The following ELAVL4 variants were observed in gnomAD, a reference collection of about 807,000 sequenced individuals.
The protein encoded by ELAVL4 is ELAV like RNA binding protein 4, also known as ELAV-like protein 4.
A neutral mutation model predicts 35.6 loss-of-function variants in ELAVL4; 1 was observed. That is an observed-to-expected ratio of 0.03 (90% CI 0.01 to 0.13). The LOEUF is 0.13. ELAVL4 is among the 10% of genes least tolerant of loss of function. The pLI is 1.00. For missense variants in ELAVL4, 267 were observed against 464.9 expected (o/e 0.57, Z 3.91); for synonymous variants, 156 against 171.0 (o/e 0.91, Z 0.69).
At chr1:50,164,823 G>A (rs1677455400) in intron 2 of ELAVL4, among the ~76,000 whole-genome samples, 1 of 152,142 alleles carries the variant, frequency 6.6e-6, no homozygotes, top group Non-Finnish European at 1.5e-5. Flanking sequence ...GGAGACTGAA[G>A]GTAGTTAAGA....
At chr1:50,181,675 GTTTGT>G (rs55633909) in intron 3 of ELAVL4, among the ~76,000 whole-genome samples, 10 of 151,110 alleles carry the variant, frequency 6.6e-5, no homozygotes, top group South Asian at 2.1e-4. Flanking sequence ...GTATGTGTGT[GTTTGT>G]TTTGTTTTGT....
intron 1 of ELAVL4, among the ~76,000 whole-genome samples, chr1:50,072,935 T>G (rs549419726): frequency 6.6e-6 from 1 of 152,206 alleles, no homozygotes; most frequent in Non-Finnish European, 1.5e-5. Flanking sequence ...TCTGCCAGAC[T>G]GTAAACTCTT....
rs61263899 is a variant in ELAVL4, at chr1:50,169,859, T to C, written c.251-7230T>C. 3.1e-3 allele frequency among the ~76,000 whole-genome samples: 474 copies of C among 152,334 alleles called. 1 individual carries two copies. Among genetic ancestry groups the C allele is most frequent in the African/African-American group, 0.011 (454 of 41,576 alleles). ...CTTTAAAAGAAAAATACCTGTTATA[T>C]GTATTATTTTTGCTGGGCTATATGT... On this transcript the variant is annotated intron_variant, in intron 2 of 6. Transcript: ENST00000371824.
intron 1 of ELAVL4, among the ~76,000 whole-genome samples, chr1:50,077,645 C>T (rs1375652180): frequency 1.3e-5 from 2 of 152,168 alleles, no homozygotes; most frequent in Non-Finnish European, 2.9e-5. Context: ...CAAGTTGATA[C>T]ATAAATTAAC....
intron 3 of ELAVL4, among the ~76,000 whole-genome samples, chr1:50,192,568 C>T (rs1682839139): frequency 6.6e-6 from 1 of 151,966 alleles, no homozygotes; most frequent in African/African-American, 2.4e-5. Context: ...CACACACTCT[C>T]ACCCCTACAG....
intron 3 of ELAVL4, among the ~76,000 whole-genome samples, chr1:50,186,376 G>T (rs1161758994): frequency 6.6e-6 from 1 of 152,206 alleles, no homozygotes; most frequent in Non-Finnish European, 1.5e-5. Context: ...AGAATGCTCA[G>T]ACTCATAGGG....
chr1:50,130,785 A>G (rs5000809), intron 1 of ELAVL4, among the ~76,000 whole-genome samples: 56,896 of 151,916 alleles, frequency 0.37, 11,269 homozygotes, highest in East Asian at 0.77. Context: ...TAATGTTAGG[A>G]AACTTAGCTT....
chr1:50,053,103 T>C (rs932853713), intron 1 of ELAVL4, among the ~76,000 whole-genome samples: 2 of 152,226 alleles, frequency 1.3e-5, no homozygotes, highest in Non-Finnish European at 2.9e-5. Flanking sequence ...TGATCTTATG[T>C]TTCTTTTAAT....
chr1:50,121,838 T>C (rs949513983), intron 1 of ELAVL4, among the ~76,000 whole-genome samples: 2 of 152,092 alleles, frequency 1.3e-5, no homozygotes, highest in Non-Finnish European at 2.9e-5. Flanking sequence ...CCAAAGTATT[T>C]ATTAACTAGG....
chr1:50,167,576 C>T (rs1164702681), intron 2 of ELAVL4, among the ~76,000 whole-genome samples: 2 of 152,160 alleles, frequency 1.3e-5, no homozygotes, highest in Non-Finnish European at 2.9e-5. Flanking sequence ...ATAGTGGTCT[C>T]TGCTGCTGGC....
chr1:50,078,296 T>A (rs1664857430), intron 1 of ELAVL4, among the ~76,000 whole-genome samples: 1 of 151,988 alleles, frequency 6.6e-6, no homozygotes, highest in Non-Finnish European at 1.5e-5. Flanking sequence ...TAGGTCAATA[T>A]GGAGTGGGGG....
At chr1:50,091,706 T>C (rs769920136) in intron 1 of ELAVL4, among the ~76,000 whole-genome samples, 1 of 152,222 alleles carries the variant, frequency 6.6e-6, no homozygotes, top group East Asian at 1.9e-4. Context: ...TAAGTTAAAG[T>C]TGCTAATGCT....
chr1:50,093,278 G>A (rs1401867473), intron 1 of ELAVL4, among the ~76,000 whole-genome samples: 1 of 152,120 alleles, frequency 6.6e-6, no homozygotes, highest in African/African-American at 2.4e-5. Flanking sequence ...ATTTCTGGAT[G>A]GTGGCCTTTC....
intron 1 of ELAVL4, among the ~76,000 whole-genome samples, chr1:50,087,222 C>T (rs917454166): frequency 1.3e-5 from 2 of 152,090 alleles, no homozygotes; most frequent in Non-Finnish European, 2.9e-5. Flanking sequence ...TAAAACATGG[C>T]TTATTTTAAA....
At chr1:50,096,740 A>G (rs1025476396) in intron 1 of ELAVL4, among the ~76,000 whole-genome samples, 3 of 152,172 alleles carry the variant, frequency 2.0e-5, no homozygotes, top group African/African-American at 7.2e-5. Context: ...ACCCCACAAT[A>G]CATGCCTTAC....
intron 2 of ELAVL4, among the ~76,000 whole-genome samples, chr1:50,154,897 A>G (rs569934435): frequency 4.6e-5 from 7 of 152,212 alleles, no homozygotes; most frequent in African/African-American, 1.7e-4. Flanking sequence ...TGAAATAGCC[A>G]TCAATTTTTT....
chr1:50,150,959 G>A (rs1674682621), intron 2 of ELAVL4, among the ~76,000 whole-genome samples: 1 of 152,158 alleles, frequency 6.6e-6, no homozygotes, highest in South Asian at 2.1e-4. Flanking sequence ...AATAAATCAA[G>A]CTATCTTGGA....
At chr1:50,154,198 G>A (rs1675317795) in intron 2 of ELAVL4, among the ~76,000 whole-genome samples, 1 of 152,204 alleles carries the variant, frequency 6.6e-6, no homozygotes, top group Non-Finnish European at 1.5e-5. Flanking sequence ...AATAAGCGGT[G>A]GAGCTGATAT....
chr1:50,191,246 C>A (rs529272230), intron 3 of ELAVL4, among the ~76,000 whole-genome samples: 1 of 152,286 alleles, frequency 6.6e-6, no homozygotes, highest in East Asian at 1.9e-4. Context: ...ATAGTAGATC[C>A]TCAGGAAATA....
Sources: gnomAD v4.1 joint callset for allele counts (sites outside exome capture counted in the v4.1 genomes callset) on GRCh38, gnomAD v4.1.1 for gene constraint, MANE v1.5 for transcripts, NCBI Gene and HGNC (gene_info 2026-07-23, HGNC 2026-07-21) for gene names.